The following NLK variants were observed in gnomAD, a reference collection of about 807,000 sequenced individuals.
The protein encoded by NLK is serine/threonine-protein kinase NLK.
NLK carries 11 observed loss-of-function variants against 59.0 expected under a neutral mutation model. That is an observed-to-expected ratio of 0.19 (90% CI 0.12 to 0.31). The LOEUF is 0.31. Ranked by LOEUF, NLK falls within the 10% of genes least tolerant of loss-of-function variation. NLK has a pLI of 1.00. For missense variants in NLK, 410 were observed against 661.1 expected (o/e 0.62, Z 4.16); for synonymous variants, 235 against 235.9 (o/e 1.00, Z 0.03).
chr17:28,048,287 A>G, intron 1 of NLK: 1 of 250,658 alleles, frequency 4.0e-6, no homozygotes. Flanking sequence ...TGAAAAGATT[A>G]TCCAAATTAT....
intron 5 of NLK, among the ~76,000 whole-genome samples, chr17:28,166,217 AAT>A (rs945631579): frequency 5.3e-5 from 8 of 150,716 alleles, no homozygotes; most frequent in Admixed American, 1.3e-4. Context: ...TGTCTCAAAA[AAT>A]ATATATATAT....
intron 1 of NLK, among the ~76,000 whole-genome samples, chr17:28,059,233 T>TTTA (rs748030786): frequency 1.3e-5 from 2 of 152,026 alleles, no homozygotes; most frequent in Non-Finnish European, 2.9e-5. Context: ...CTTGTTATTA[T>TTTA]TTATTATTAT....
intron 3 of NLK, among the ~76,000 whole-genome samples, chr17:28,146,438 C>A (rs750916056): frequency 5.3e-5 from 8 of 152,032 alleles, no homozygotes; most frequent in Non-Finnish European, 1.0e-4. Context: ...CAGCTACCAC[C>A]TAAATCGTTT....
rs118008124 is a variant in NLK, at chr17:28,182,955, T to C, written c.1150-2224T>C. 9.4e-3 allele frequency among the ~76,000 whole-genome samples: 1,432 copies of C among 152,350 alleles called. 10 individuals are homozygous for C. Among genetic ancestry groups the C allele is most frequent in the Non-Finnish European group, 0.015 (1,007 of 68,022 alleles). ...TCATAGTGAAGCAGGCTGGGCATTATATAAAACAAGAAGCCCAGGAACTAT... is the reference window on the plus strand; with the variant it reads ...TCATAGTGAAGCAGGCTGGGCATTACATAAAACAAGAAGCCCAGGAACTAT... On this transcript the variant is annotated intron_variant, in intron 7 of 10. Coordinates refer to ENST00000407008, the MANE Select transcript of NLK (RefSeq NM_016231.5).
chr17:28,120,370 A>G (rs1905990556), intron 1 of NLK, among the ~76,000 whole-genome samples: 1 of 151,906 alleles, frequency 6.6e-6, no homozygotes, highest in Non-Finnish European at 1.5e-5. Context: ...AGCCTCCCAA[A>G]GTGCTGGGTT....
At chr17:28,090,627 G>A (rs561355063) in intron 1 of NLK, among the ~76,000 whole-genome samples, 23 of 152,172 alleles carry the variant, frequency 1.5e-4, no homozygotes, top group Admixed American at 1.3e-3. Flanking sequence ...GAGGCCGAGA[G>A]GTGGGAGGAT....
intron 1 of NLK, among the ~76,000 whole-genome samples, chr17:28,062,606 A>C (rs948611602): frequency 2.0e-5 from 3 of 152,216 alleles, no homozygotes; most frequent in Admixed American, 6.5e-5. Flanking sequence ...TTTTTGAGAC[A>C]GTCTCATTCT....
chr17:28,179,315 A>G (rs1161609718), intron 7 of NLK, among the ~76,000 whole-genome samples: 1 of 151,954 alleles, frequency 6.6e-6, no homozygotes, highest in African/African-American at 2.4e-5. Flanking sequence ...CTGCAGCCTC[A>G]ATTTTCCAGG....
In NLK at chr17:28,196,070, AG is replaced by A. The variant is rs1909475269; in HGVS notation, c.*1435del. 1 of 152,658 alleles carries A rather than the reference AG, an allele frequency of 6.6e-6. No homozygotes were observed. The highest frequency in any genetic ancestry group is 6.5e-5 in the Admixed American group (1 of 15,278). 9.5% of individuals were successfully genotyped at this position (152,658 alleles called of 1,614,324 possible). A position where few individuals can be genotyped will look rare whatever the true frequency, so the allele number is the denominator to read the frequency against. Reference sequence around the variant, plus strand: ...GAGCTGAATTTGAAGACTATTAATAAGTTATGTTTGGAAGTTTTAACTTCAA... The same window carrying A: ...GAGCTGAATTTGAAGACTATTAATAATTATGTTTGGAAGTTTTAACTTCAA... On this transcript the variant is annotated 3_prime_UTR_variant, in exon 11 of 11. Coordinates refer to ENST00000407008, the MANE Select transcript of NLK (RefSeq NM_016231.5).
intron 1 of NLK, among the ~76,000 whole-genome samples, chr17:28,121,629 G>A (rs1360228036): frequency 6.2e-5 from 9 of 145,238 alleles, no homozygotes; most frequent in Non-Finnish European, 1.2e-4. Flanking sequence ...AGCCTCCCAA[G>A]TAGCTGGGAT....
intron 5 of NLK, among the ~76,000 whole-genome samples, chr17:28,167,204 G>C (rs1460398990): frequency 5.9e-5 from 9 of 152,012 alleles, no homozygotes; most frequent in Non-Finnish European, 4.4e-5. Context: ...CTCTAAACTA[G>C]TCTTGAAAGT....
At chr17:28,064,411 G>T (rs1909761478) in intron 1 of NLK, among the ~76,000 whole-genome samples, 2 of 152,012 alleles carry the variant, frequency 1.3e-5, no homozygotes. Flanking sequence ...TTTTCCCAAA[G>T]TGTTGGGATT....
At chr17:28,093,798 A>G (rs1046441256) in intron 1 of NLK, among the ~76,000 whole-genome samples, 5 of 152,196 alleles carry the variant, frequency 3.3e-5, no homozygotes, top group African/African-American at 1.2e-4. Flanking sequence ...ATTGCACACC[A>G]AAGACTCACC....
the NLK span, among the ~76,000 whole-genome samples, chr17:28,203,884 G>A: frequency 6.6e-6 from 1 of 152,182 alleles, no homozygotes. Context: ...ATTTGGGGCT[G>A]TCTTGTATCC....
intron 1 of NLK, among the ~76,000 whole-genome samples, chr17:28,111,217 C>A (rs552567181): frequency 1.1e-3 from 162 of 151,932 alleles, no homozygotes; most frequent in African/African-American, 3.8e-3. Flanking sequence ...GACAGAGTCT[C>A]GATCTATTGC....
intron 1 of NLK, among the ~76,000 whole-genome samples, chr17:28,069,615 A>G (rs1351393755): frequency 1.3e-5 from 2 of 152,072 alleles, no homozygotes; most frequent in African/African-American, 4.8e-5. Flanking sequence ...TTTAATTTGC[A>G]TTACCATGAT....
chr17:28,199,456 A>G (rs962720388), downstream of NLK, among the ~76,000 whole-genome samples: 2 of 152,038 alleles, frequency 1.3e-5, no homozygotes, highest in African/African-American at 4.8e-5. Context: ...ACCTGAGGTC[A>G]AGAGTTCGAG....
In NLK at chr17:28,175,537, G is replaced by A. The variant is rs1040419546; in HGVS notation, c.1149+2919G>A. Among the ~76,000 whole-genome samples, 8 of 152,036 alleles carry A rather than the reference G, an allele frequency of 5.3e-5. 1 individual carries two copies. Among genetic ancestry groups the A allele is most frequent in the South Asian group, 2.1e-4 (1 of 4,830 alleles). ...TGGTGAACTGGGAGTTGTACAATAC[G>A]GTTTTCAGACAGATTGAGTATGAAT... is the stretch of plus-strand genomic sequence containing the variant. On this transcript the variant is annotated intron_variant, in intron 7 of 10. Coordinates refer to ENST00000407008, the MANE Select transcript of NLK (RefSeq NM_016231.5).
intron 1 of NLK, among the ~76,000 whole-genome samples, chr17:28,045,795 G>A (rs754207103): frequency 6.6e-6 from 1 of 152,184 alleles, no homozygotes; most frequent in Non-Finnish European, 1.5e-5. Context: ...AAAGATATTA[G>A]TGAGGTTTTT....
Sources: gnomAD v4.1 joint callset for allele counts (sites outside exome capture counted in the v4.1 genomes callset) on GRCh38, gnomAD v4.1.1 for gene constraint, MANE v1.5 for transcripts, NCBI Gene and HGNC (gene_info 2026-07-23, HGNC 2026-07-21) for gene names.